The following STPG4 variants were observed in gnomAD, a reference collection of about 807,000 sequenced individuals.
STPG4 encodes the protein protein STPG4.
In STPG4, 41 loss-of-function variants were observed where a neutral mutation model predicts 31.5. The observed-to-expected ratio is 1.30, with a 90% CI of 1.01 to 1.69. The LOEUF is 1.69. Among genes scored for constraint, STPG4 ranks in the 40% most tolerant of loss-of-function variants. STPG4 has a pLI of 0.00. For missense variants in STPG4, 375 were observed against 293.4 expected, an observed-to-expected ratio of 1.28 and a Z score of -2.03; for synonymous variants, 141 against 103.0, an observed-to-expected ratio of 1.37 and a Z score of -2.24.
rs879557031 is a variant in STPG4 at position 47,151,744 on chromosome 2, CT to C, written c.142-230del. 8.7e-3 allele frequency among the ~76,000 whole-genome samples: 1,251 copies of C among 144,318 alleles called. 9 individuals carry two copies. The highest frequency in any genetic ancestry group is 0.014 in the Non-Finnish European group (891 of 65,424). 94.7% of individuals were successfully genotyped at this position (144,318 alleles called of 152,430 possible). On this transcript the variant is annotated intron_variant, in intron 2 of 6. Coordinates refer to ENST00000445927, the MANE Select transcript of STPG4 (RefSeq NM_001163561.2). ...CAAACGGGTTAGAGTTGAAATTTAA[CT>C]TTTTTTTTTTTTTGAGACAGAGTCC...
At chr2:47,141,682 A>C (rs1686713159) in intron 3 of STPG4, among the ~76,000 whole-genome samples, 1 of 151,936 alleles carries the variant, frequency 6.6e-6, no homozygotes, top group African/African-American at 2.4e-5. Context: ...TTATCCCCAC[A>C]TTTAACTCTT....
intron 5 of STPG4, among the ~76,000 whole-genome samples, chr2:47,093,323 T>A (rs1372260826): frequency 2.6e-5 from 4 of 152,208 alleles, no homozygotes; most frequent in African/African-American, 7.2e-5. Context: ...GAGGTTGCTG[T>A]CAGGGTGAGG....
rs527955425 is a variant in STPG4 at position 47,146,105 on chromosome 2, G to C, written c.399+5153C>G. ...AAAGGACAAGTGGGTCAGGAAGAGA[G>C]TGACAGGGAGTAGTAAGACAAAGTC... On this transcript the variant is annotated intron_variant, in intron 3 of 6. Transcript: ENST00000445927. Among the ~76,000 whole-genome samples the C allele has an allele frequency of 5.3e-5, 8 of 152,296 alleles. No homozygotes were observed. The South Asian group carries it at 1.7e-3, about 32-fold the overall frequency.
At chr2:47,109,936 C>T (rs868007964) in intron 5 of STPG4, among the ~76,000 whole-genome samples, 2 of 152,174 alleles carry the variant, frequency 1.3e-5, no homozygotes, top group Non-Finnish European at 2.9e-5. Context: ...GATCATGTAA[C>T]GACCATTTGT....
At chr2:47,109,321 C>T (rs1454238295) in intron 5 of STPG4, among the ~76,000 whole-genome samples, 2 of 152,150 alleles carry the variant, frequency 1.3e-5, no homozygotes, top group Non-Finnish European at 2.9e-5. Flanking sequence ...CTTTGGGAGG[C>T]AGAGGTGGGC....
At chr2:47,124,097 C>T (rs1686321670) in intron 5 of STPG4, among the ~76,000 whole-genome samples, 1 of 152,106 alleles carries the variant, frequency 6.6e-6, no homozygotes, top group South Asian at 2.1e-4. Flanking sequence ...ATTCTCCTGC[C>T]TCAGCCTCCT....
chr2:47,141,913 G>A (rs558812523), intron 3 of STPG4, among the ~76,000 whole-genome samples: 2 of 147,340 alleles, frequency 1.4e-5, no homozygotes, highest in South Asian at 4.5e-4. Context: ...GGGATGCTGT[G>A]TGGCTACTGA....
At position 47,151,464 on chromosome 2, in the gene STPG4, G is replaced by T; in HGVS notation, c.193C>A (p.Leu65Ile). 1.2e-6 allele frequency: 2 copies of T among 1,613,914 alleles called. No homozygotes were observed. Among genetic ancestry groups the T allele is most frequent in the South Asian group, 1.1e-5 (1 of 91,084 alleles). Reference protein sequence around the residue: ...YHLKTFIEESLLNPVIATYNF... With the variant: ...YHLKTFIEESILNPVIATYNF... ...TAGGTTGCTATCACTGGATTTAATA[G>T]GGATTCTTCAATAAAAGTTTTCAAG... The change falls in exon 3 of 7, where the codon CTA (leucine) becomes ATA (isoleucine). Residue 65 changes from leucine (L) to isoleucine (I), a missense_variant. Physicochemically the swap from Leu to Ile is conservative, Grantham distance 5 (BLOSUM62 2). Transcript: ENST00000445927.
intron 5 of STPG4, among the ~76,000 whole-genome samples, chr2:47,112,326 C>G (rs1226762122): frequency 6.6e-6 from 1 of 150,626 alleles, no homozygotes; most frequent in Non-Finnish European, 1.5e-5. Flanking sequence ...ACCACCACAC[C>G]CAGCTAATTT....
intron 5 of STPG4, among the ~76,000 whole-genome samples, chr2:47,115,651 G>T (rs1025161733): frequency 2.2e-5 from 2 of 90,402 alleles, no homozygotes; most frequent in South Asian, 4.6e-4. Context: ...CACATTAAAG[G>T]CTTTTTTTTT....
At chr2:47,143,276 T>C (rs867842348) in intron 3 of STPG4, among the ~76,000 whole-genome samples, 10 of 152,334 alleles carry the variant, frequency 6.6e-5, no homozygotes, top group Middle Eastern at 6.8e-3. Context: ...TTTGTATTCA[T>C]ATAAACAACG....
chr2:47,133,173 CT>C (rs70940658), intron 3 of STPG4, among the ~76,000 whole-genome samples: 8,164 of 144,270 alleles, frequency 0.057, 426 homozygotes, highest in African/African-American at 0.14. Flanking sequence ...CTTCTCAGTT[CT>C]TTTTTTTTTT....
intron 6 of STPG4, among the ~76,000 whole-genome samples, chr2:47,089,743 C>T (rs899831715): frequency 6.6e-6 from 1 of 152,094 alleles, no homozygotes; most frequent in Non-Finnish European, 1.5e-5. Context: ...GTCCTGTATG[C>T]TCCCAGGATC....
intron 3 of STPG4, among the ~76,000 whole-genome samples, chr2:47,133,573 T>TTTTTTG: frequency 8.3e-6 from 1 of 119,814 alleles, no homozygotes; most frequent in Non-Finnish European, 1.8e-5. Flanking sequence ...CTCAAATCTT[T>TTTTTTG]TTTTTTTTTT....
chr2:47,112,519 A>G (rs1029782901), intron 5 of STPG4, among the ~76,000 whole-genome samples: 20 of 152,066 alleles, frequency 1.3e-4, no homozygotes, highest in African/African-American at 4.1e-4. Context: ...CAGCGAGCTC[A>G]TTTTCACTGA....
intron 5 of STPG4, among the ~76,000 whole-genome samples, chr2:47,120,009 G>A (rs1472803111): frequency 6.6e-6 from 1 of 152,172 alleles, no homozygotes; most frequent in African/African-American, 2.4e-5. Context: ...CTGATTTGCA[G>A]TTGGATAAAA....
At chr2:47,149,939 T>G (rs1432163366) in intron 3 of STPG4, among the ~76,000 whole-genome samples, 4 of 152,128 alleles carry the variant, frequency 2.6e-5, no homozygotes, top group Admixed American at 6.5e-5. Flanking sequence ...ACCCTGCCCC[T>G]CATTCAAGGC....
At chr2:47,103,453 G>A (rs544321678) in intron 5 of STPG4, among the ~76,000 whole-genome samples, 1 of 151,978 alleles carries the variant, frequency 6.6e-6, no homozygotes, top group African/African-American at 2.4e-5. Flanking sequence ...CAACCTTGGT[G>A]TTCTATAAGA....
chr2:47,103,146 G>A (rs1573156012), intron 5 of STPG4, among the ~76,000 whole-genome samples: 1 of 151,862 alleles, frequency 6.6e-6, no homozygotes, highest in South Asian at 2.1e-4. Flanking sequence ...CATGGGGACT[G>A]GAGTCGTAAA....
Sources: allele counts gnomAD v4.1 joint callset (sites outside exome capture counted in the v4.1 genomes callset), GRCh38; gene constraint gnomAD v4.1.1; transcripts MANE v1.5; gene names NCBI Gene and HGNC (gene_info 2026-07-23, HGNC 2026-07-21).